The following SRGAP2C variants were observed in gnomAD, a reference collection of about 807,000 sequenced individuals.
SRGAP2C encodes the protein SLIT-ROBO Rho GTPase activating protein 2C.
A neutral mutation model predicts 25.1 loss-of-function variants in SRGAP2C; 15 were observed. That is an observed-to-expected ratio of 0.60 (90% CI 0.40 to 0.92). The LOEUF (loss-of-function observed/expected upper bound fraction) is 0.92. Among genes scored for constraint, SRGAP2C ranks in the 40% least tolerant of loss-of-function variants. The pLI, the probability that SRGAP2C is intolerant of heterozygous loss-of-function variation, is 0.00. For synonymous variants in SRGAP2C, 44 were observed against 96.6 expected, an observed-to-expected ratio of 0.46 and a Z score of 3.19; for missense variants, 144 against 264.4, an observed-to-expected ratio of 0.54 and a Z score of 3.16.
At chr1:121,339,033 T>C (rs1249008364) in intron 4 of SRGAP2C, among the ~76,000 whole-genome samples, 2 of 151,884 alleles carry the variant, frequency 1.3e-5, no homozygotes, top group African/African-American at 2.4e-5. Context: ...CATTTTGATG[T>C]ATTTCCTTCC....
intron 5 of SRGAP2C, among the ~76,000 whole-genome samples, chr1:121,370,969 G>C (rs868973948): frequency 6.6e-6 from 1 of 151,604 alleles, no homozygotes; most frequent in Non-Finnish European, 1.5e-5. Context: ...AATCATTTTA[G>C]AACCTTTTTT....
At chr1:121,223,913 G>T in intron 2 of SRGAP2C, among the ~76,000 whole-genome samples, 2 of 87,792 alleles carry the variant, frequency 2.3e-5, no homozygotes, top group Non-Finnish European at 4.3e-5. Flanking sequence ...TCTTTCCAAT[G>T]CTATAATTAA....
In SRGAP2C at chr1:121,391,150, G is replaced by A. The variant is rs1209704576; in HGVS notation, c.*3295G>A. 5 of 152,142 alleles carry A rather than the reference G, an allele frequency of 3.3e-5. No homozygotes were observed. In the South Asian group the frequency reaches 1.0e-3, roughly 32 times the overall value. The allele number at this position is 152,142 out of a possible 1,614,324, so 9.4% of individuals were successfully genotyped here. ...GAGGCGGGTGGATCACCTGAGGTCG[G>A]GAGTTTGAGACCAGCCTGATCAACA... On this transcript the variant is annotated 3_prime_UTR_variant, in exon 10 of 10. Transcript: ENST00000367123.
intron 6 of SRGAP2C, among the ~76,000 whole-genome samples, chr1:121,374,438 C>A (rs1450219626): frequency 6.6e-6 from 1 of 151,978 alleles, no homozygotes; most frequent in Non-Finnish European, 1.5e-5. Flanking sequence ...TTTCCCAATC[C>A]ATTTTCCAAA....
chr1:121,350,437 A>T (rs1553345401), intron 4 of SRGAP2C, among the ~76,000 whole-genome samples: 1 of 149,920 alleles, frequency 6.7e-6, no homozygotes, highest in Admixed American at 6.7e-5. Context: ...TAGGCCTATG[A>T]GGAAATAAGA....
At chr1:121,211,326 A>G (rs587650115) in intron 2 of SRGAP2C, among the ~76,000 whole-genome samples, 102 of 148,246 alleles carry the variant, frequency 6.9e-4, no homozygotes, top group Middle Eastern at 6.9e-3. Flanking sequence ...GAAGTGGTAC[A>G]TCACTTACTG....
intron 3 of SRGAP2C, among the ~76,000 whole-genome samples, chr1:121,315,226 C>T (rs1332720218): frequency 6.6e-6 from 1 of 151,436 alleles, no homozygotes; most frequent in Non-Finnish European, 1.5e-5. Context: ...GCACTATGGC[C>T]TGAAGCTCCT....
intron 2 of SRGAP2C, among the ~76,000 whole-genome samples, chr1:121,255,689 G>T (rs1338593524): frequency 1.3e-5 from 2 of 151,504 alleles, no homozygotes; most frequent in Non-Finnish European, 3.0e-5. Context: ...GTGGTGGCAT[G>T]TGCCTGTAAT....
intron 4 of SRGAP2C, among the ~76,000 whole-genome samples, chr1:121,347,247 T>A (rs1251766858): frequency 9.5e-6 from 1 of 105,304 alleles, no homozygotes; most frequent in East Asian, 2.5e-4. Flanking sequence ...GGGAAAGAAC[T>A]GAAGTTTTCA....
intron 2 of SRGAP2C, among the ~76,000 whole-genome samples, chr1:121,235,555 A>G: frequency 3.0e-5 from 1 of 33,040 alleles, no homozygotes. Flanking sequence ...CTCATATCCT[A>G]GTCTCTCTTG....
intron 2 of SRGAP2C, among the ~76,000 whole-genome samples, chr1:121,218,895 G>A (rs1195767990): frequency 2.6e-5 from 4 of 151,782 alleles, no homozygotes; most frequent in African/African-American, 9.7e-5. Context: ...GTGATTTCCA[G>A]TTTAAGTGAA....
In SRGAP2C at chr1:121,365,135, T is replaced by C. The variant is rs1396187202; in HGVS notation, c.424-158T>C. 3.1e-4 allele frequency among the ~76,000 whole-genome samples: 26 copies of C among 84,432 alleles called. 9 individuals carry two copies. The highest frequency in any genetic ancestry group is 1.1e-3 in the African/African-American group (26 of 22,990). The allele number at this position is 84,432 out of a possible 152,430, so 55.4% of individuals were successfully genotyped here. A position where few individuals can be genotyped will look rare whatever the true frequency, so the allele number is the denominator to read the frequency against. On this transcript the variant is annotated intron_variant, in intron 4 of 9. Coordinates refer to ENST00000367123, the MANE Select transcript of SRGAP2C (RefSeq NM_001329984.2). ...TAAAACTCTTTGAGTAATCTGACCA[T>C]AATTGGGTCTGATTGGAGTGGTTAT...
At chr1:121,212,123 A>ATTTT (rs60785126) in intron 2 of SRGAP2C, among the ~76,000 whole-genome samples, 2 of 61,978 alleles carry the variant, frequency 3.2e-5, no homozygotes, top group Non-Finnish European at 5.3e-5. Context: ...ATGGAGCTGT[A>ATTTT]TTTTTTTTTT....
chr1:121,210,418 A>G (rs1211593879), intron 2 of SRGAP2C, among the ~76,000 whole-genome samples: 1 of 147,074 alleles, frequency 6.8e-6, no homozygotes, highest in Non-Finnish European at 1.5e-5. Context: ...TACCAAGTGC[A>G]AGAACCTGTA....
Position 121,191,458 on chromosome 1 carries a change from CA to C in SRGAP2C, c.67+3946del, listed in dbSNP as rs1348406916. 1.0e-4 allele frequency among the ~76,000 whole-genome samples: 15 copies of C among 149,874 alleles called. No homozygotes were observed. The East Asian group carries it at 2.8e-3, about 28-fold the overall frequency. On this transcript the variant is annotated intron_variant, in intron 2 of 9. Transcript: ENST00000367123. ...TTTTTTCTTGAATATTTTCCATTCC[CA>C]TTTGGTTGAATCTGCAGATATGGAA...
At position 121,379,097 on chromosome 1, in the gene SRGAP2C, T is replaced by C. The variant is rs1659745619; in HGVS notation, c.832-3604T>C. Among the ~76,000 whole-genome samples, 5 of 152,320 alleles carry C rather than the reference T, an allele frequency of 3.3e-5. No individual in the cohort carries two copies. The South Asian group carries it at 1.0e-3, about 32-fold the overall frequency. On this transcript the variant is annotated intron_variant, in intron 7 of 9. Transcript: ENST00000367123. ...CATAGCTGGAGTGTTGTAAGTGCCG[T>C]GTACATGTATGGAAGGTCTTTGACA...
At chr1:121,314,789 A>G (rs1658057188) in intron 3 of SRGAP2C, among the ~76,000 whole-genome samples, 1 of 151,764 alleles carries the variant, frequency 6.6e-6, no homozygotes, top group Admixed American at 6.6e-5. Context: ...CCGTTCTCAG[A>G]TCTCCAGCTG....
intron 2 of SRGAP2C, among the ~76,000 whole-genome samples, chr1:121,188,311 G>A (rs781890625): frequency 3.3e-5 from 5 of 152,208 alleles, no homozygotes; most frequent in Non-Finnish European, 7.3e-5. Flanking sequence ...GCAAAATGTG[G>A]ACTAGGAGAA....
chr1:121,282,483 C>A (rs1445936905), intron 2 of SRGAP2C, among the ~76,000 whole-genome samples: 1 of 150,418 alleles, frequency 6.6e-6, no homozygotes, highest in Non-Finnish European at 1.5e-5. Flanking sequence ...TACTGCCCAT[C>A]CATATCCCCT....
Sources: gnomAD v4.1 joint callset for allele counts (sites outside exome capture counted in the v4.1 genomes callset) on GRCh38, gnomAD v4.1.1 for gene constraint, MANE v1.5 for transcripts, NCBI Gene and HGNC (gene_info 2026-07-23, HGNC 2026-07-21) for gene names.